Variants in TFPT observed in about 807,000 individuals in gnomAD.
The protein encoded by TFPT is TCF3 fusion partner, also known as INO80 complex subunit F.
TFPT carries 27 observed loss-of-function variants against 28.8 expected under a neutral mutation model. That is an observed-to-expected ratio of 0.94 (90% CI 0.69 to 1.29). The LOEUF (loss-of-function observed/expected upper bound fraction) is 1.29, where lower values mean the gene tolerates loss of function less well. Ranked by LOEUF, TFPT falls within the 50% of genes most tolerant of loss-of-function variation. The pLI is 0.00. For missense variants in TFPT, 330 were observed against 338.0 expected, an observed-to-expected ratio of 0.98 and a Z score of 0.19; for synonymous variants, 152 against 142.8, an observed-to-expected ratio of 1.06 and a Z score of -0.46.
intron 2 of TFPT, among the ~76,000 whole-genome samples, chr19:54,112,625 C>T (rs1247287830): frequency 6.6e-6 from 1 of 151,906 alleles, no homozygotes; most frequent in Non-Finnish European, 1.5e-5. Flanking sequence ...CCCATCTCTA[C>T]AAAAAGTACA....
Position 54,114,535 on chromosome 19 carries a change from CTCTTCA to C in TFPT, c.183_188del (p.Asp61_Glu62del). ...GCCGCCGACCCCGGGCTGCCTCTTCCTCTTCATCTCGCTCCCGGAGCCCTGAGCCGC... is the reference window on the plus strand; with the variant it reads ...GCCGCCGACCCCGGGCTGCCTCTTCCTCTCGCTCCCGGAGCCCTGAGCCGC... On this transcript the variant is annotated inframe_deletion, in exon 2 of 6. Transcript: ENST00000391759. The C allele has an allele frequency of 6.2e-7, 1 of 1,614,068 alleles. No individual in the cohort carries two copies. Among genetic ancestry groups the C allele is most frequent in the Non-Finnish European group, 8.5e-7 (1 of 1,180,020 alleles).
At chr19:54,110,695 C>G (rs1399741674) in intron 2 of TFPT, among the ~76,000 whole-genome samples, 2 of 151,848 alleles carry the variant, frequency 1.3e-5, no homozygotes, top group East Asian at 3.9e-4. Flanking sequence ...GAGCGAGGTT[C>G]TGTTTCAAAA....
At position 54,115,434 on chromosome 19, in the gene TFPT, T is replaced by A. The variant is rs1012210042; in HGVS notation, c.-165A>T. 3.3e-6 allele frequency: 3 copies of A among 910,856 alleles called. No individual in the cohort carries two copies. Among genetic ancestry groups the A allele is most frequent in the East Asian group, 2.6e-5 (1 of 38,850 alleles). The allele number at this position is 910,856 out of a possible 1,614,324, so 56.4% of individuals were successfully genotyped here. ...GTAGTTTCCTGTTTCCGGCTTCGCT[T>A]CGGCCCACCCCCACGTCCACCCCGA... is the stretch of plus-strand genomic sequence containing the variant. On this transcript the variant is annotated 5_prime_UTR_variant, in exon 1 of 6. Coordinates refer to ENST00000391759, the MANE Select transcript of TFPT (RefSeq NM_013342.4).
intron 4 of TFPT, 26 bp downstream of exon 4, chr19:54,108,300 G>GACCCTCCTGGAGGCCCAACACTC: frequency 1.3e-6 from 2 of 1,585,058 alleles, no homozygotes; most frequent in Non-Finnish European, 1.7e-6. Flanking sequence ...CCCAGTTCCT[G>GACCCTCCTGGAGGCCCAACACTC]ACCCTCCTGG....
chr19:54,112,678 A>G (rs1193324417), intron 2 of TFPT, among the ~76,000 whole-genome samples: 3 of 151,958 alleles, frequency 2.0e-5, no homozygotes, highest in South Asian at 2.1e-4. Flanking sequence ...AGTCCCAGCT[A>G]TTTTGGGGGC....
chr19:54,113,511 C>T (rs1473431934), intron 2 of TFPT, among the ~76,000 whole-genome samples: 2 of 152,070 alleles, frequency 1.3e-5, no homozygotes, highest in African/African-American at 4.8e-5. Flanking sequence ...TTCTGGGAGT[C>T]CAAGCAGACT....
At chr19:54,108,716 A>G (rs1345337977) in intron 3 of TFPT, 10 of 964,470 alleles carry the variant, frequency 1.0e-5, no homozygotes, top group Admixed American at 5.8e-5. Context: ...GCACTTAGTA[A>G]ACATTCATAT....
At chr19:54,112,048 G>A (rs1359204763) in intron 2 of TFPT, among the ~76,000 whole-genome samples, 2 of 151,880 alleles carry the variant, frequency 1.3e-5, no homozygotes, top group Non-Finnish European at 1.5e-5. Flanking sequence ...CCAGCACTTT[G>A]AGAGGCCAGG....
intron 3 of TFPT, chr19:54,108,764 A>C: frequency 2.8e-6 from 2 of 703,244 alleles, no homozygotes; most frequent in Non-Finnish European, 4.6e-6. Context: ...AAGAGAGGGG[A>C]GTACAGAACG....
intron 2 of TFPT, among the ~76,000 whole-genome samples, chr19:54,111,286 T>A (rs587692791): frequency 6.6e-6 from 1 of 152,182 alleles, no homozygotes; most frequent in Non-Finnish European, 1.5e-5. Context: ...CTCACGCCTG[T>A]AATCCCAGCA....
chr19:54,113,953 A>G (rs2073532424), intron 2 of TFPT, among the ~76,000 whole-genome samples: 1 of 152,140 alleles, frequency 6.6e-6, no homozygotes, highest in Non-Finnish European at 1.5e-5. Context: ...TCAGCCTCCC[A>G]GTGCTAGGAT....
At position 54,114,722 on chromosome 19, in the gene TFPT, A is replaced by G. The variant is rs745724356; in HGVS notation, c.24-22T>C. ...GGTCCTGAGAGGCAGGGAAAGGCTC[A>G]GGGGCCCTGGATCCTGGACCCCCAG... On this transcript the variant is annotated intron_variant, in intron 1 of 5. Coordinates refer to ENST00000391759, the MANE Select transcript of TFPT (RefSeq NM_013342.4). 2.5e-6 allele frequency: 4 copies of G among 1,603,388 alleles called. No homozygotes were observed. The South Asian group carries it at 3.3e-5, about 13-fold the overall frequency.
In TFPT at chr19:54,115,565, T is replaced by C. The variant is rs1157397637; in HGVS notation, c.-296A>G. On this transcript the variant is annotated 5_prime_UTR_variant, in exon 1 of 6. Transcript: ENST00000391759. ...ACGCCCCGTCGTCCGGCCACAGCGA[T>C]TCTCTGCTTAGCAGGATCGGTCCAC... The C allele has an allele frequency of 2.1e-5, 12 of 576,442 alleles. No individual in the cohort carries two copies. In the South Asian group the frequency reaches 2.5e-4, roughly 12 times the overall value. The allele number at this position is 576,442 out of a possible 1,614,324, so 35.7% of individuals were successfully genotyped here.
At chr19:54,114,352 G>A in intron 2 of TFPT, 90 bp downstream of exon 2, 1 of 1,521,084 alleles carries the variant, frequency 6.6e-7, no homozygotes, top group Non-Finnish European at 8.8e-7. Context: ...AGCAAGCCAA[G>A]AAAGGCTGGG....
intron 2 of TFPT, among the ~76,000 whole-genome samples, chr19:54,113,093 C>CAAAAAAAAAAAAAAAAAAAAAAAAAAAA: frequency 1.7e-5 from 1 of 58,560 alleles, no homozygotes; most frequent in Non-Finnish European, 2.9e-5. Context: ...GACTCCACCT[C>CAAAAAAAAAAAAAAAAAAAAAAAAAAAA]AAAAAAAAAA....
intron 2 of TFPT, among the ~76,000 whole-genome samples, chr19:54,110,460 C>T (rs1312805079): frequency 1.3e-5 from 2 of 152,202 alleles, no homozygotes; most frequent in East Asian, 1.9e-4. Context: ...GGTGCGGTGG[C>T]TCACGCCTGT....
rs770740513 is a variant in TFPT, at chr19:54,114,521, C to T, written c.203G>A (p.Arg68Gln). The change falls in exon 2 of 6, where the codon CGG becomes CAG. Residue 68 changes from arginine (R) to glutamine (Q), a missense_variant. Physicochemically the swap from Arg to Gln is conservative, Grantham distance 43. Coordinates refer to ENST00000391759, the MANE Select transcript of TFPT (RefSeq NM_013342.4). ...TTCCCGCTGGCGCCGCCGCCGACCC[C>T]GGGCTGCCTCTTCCTCTTCATCTCG... Reference protein sequence around the residue: ...RERDEEEEAARGRRRRQRELN... With the variant: ...RERDEEEEAAQGRRRRQRELN... The T allele has an allele frequency of 1.2e-5, 19 of 1,613,878 alleles. No individual in the cohort carries two copies. The East Asian group carries it at 2.5e-4, about 21-fold the overall frequency.
At chr19:54,115,119 TA>T in intron 1 of TFPT, 127 bp downstream of exon 1, 1 of 1,430,036 alleles carries the variant, frequency 7.0e-7, no homozygotes, top group Non-Finnish European at 9.8e-7. Context: ...AAAAGGGTTC[TA>T]AGGTAAAGCA....
intron 5 of TFPT, chr19:54,107,448 T>A (rs2073303679): frequency 2.3e-6 from 1 of 443,070 alleles, no homozygotes; most frequent in Non-Finnish European, 4.1e-6. Flanking sequence ...GGGGTCTCAG[T>A]ATGTTGCTCA....
Sources: allele counts gnomAD v4.1 joint callset (sites outside exome capture counted in the v4.1 genomes callset), GRCh38; gene constraint gnomAD v4.1.1; transcripts MANE v1.5; gene names NCBI Gene and HGNC (gene_info 2026-07-23, HGNC 2026-07-21).